The following MRRF variants were observed in gnomAD, a reference collection of about 807,000 sequenced individuals.
The protein encoded by MRRF is mitochondrial ribosome recycling factor, also known as ribosome-recycling factor, mitochondrial.
In MRRF, 18 loss-of-function variants were observed where a neutral mutation model predicts 25.1. That is an observed-to-expected ratio of 0.72 (90% CI 0.50 to 1.06). MRRF has a LOEUF of 1.06. Ranked by LOEUF, MRRF falls within the 50% of genes least tolerant of loss-of-function variation. The probability of loss-of-function intolerance (pLI) is 0.00; values close to 1 mark genes in which losing one functional copy is unlikely to be tolerated. For synonymous variants in MRRF, 113 were observed against 112.1 expected, an observed-to-expected ratio of 1.01 and a Z score of -0.05; for missense variants, 323 against 319.3, an observed-to-expected ratio of 1.01 and a Z score of -0.09.
At chr9:122,305,010 A>G (rs570656964) in intron 5 of MRRF, among the ~76,000 whole-genome samples, 1 of 151,934 alleles carries the variant, frequency 6.6e-6, no homozygotes, top group South Asian at 2.1e-4. Context: ...TGGCATGATC[A>G]TAGCTCACTG....
chr9:122,312,369 T>C (rs1751337119), intron 5 of MRRF, among the ~76,000 whole-genome samples: 1 of 152,196 alleles, frequency 6.6e-6, no homozygotes, highest in South Asian at 2.1e-4. Context: ...TCCAAAAGGA[T>C]TTACGTAAAT....
At chr9:122,280,318 A>G in intron 2 of MRRF, 125 bp from the exon 3 acceptor site, 1 of 1,030,974 alleles carries the variant, frequency 9.7e-7, no homozygotes, top group Middle Eastern at 2.4e-4. Context: ...TAGTGGAGCG[A>G]TAATGTTTTA....
chr9:122,297,857 G>T (rs1834192279), intron 5 of MRRF, among the ~76,000 whole-genome samples: 1 of 152,156 alleles, frequency 6.6e-6, no homozygotes. Flanking sequence ...CCCTCTGTTG[G>T]TACTTAGACC....
At chr9:122,288,993 G>A (rs146037155) in intron 4 of MRRF, among the ~76,000 whole-genome samples, 5 of 152,266 alleles carry the variant, frequency 3.3e-5, no homozygotes, top group Admixed American at 1.3e-4. Flanking sequence ...GTGAAGGGAT[G>A]ATGCATAAGA....
chr9:122,322,483 T>TC, intron 6 of MRRF, 57 bp from the exon 7 acceptor site: 7 of 1,464,714 alleles, frequency 4.8e-6, no homozygotes, highest in Admixed American at 3.4e-5. Flanking sequence ...GGAATATTCA[T>TC]CCCCCTACCC....
chr9:122,286,098 A>C (rs1029360201), intron 4 of MRRF: 2 of 1,270,950 alleles, frequency 1.6e-6, no homozygotes, highest in Non-Finnish European at 2.1e-6. Context: ...TCTACCACCA[A>C]CTGGCTGTTT....
rs973500370 is a variant in MRRF at position 122,280,557 on chromosome 9, A to C, written c.299A>C (p.Lys100Thr). The C allele has an allele frequency of 6.2e-7, 1 of 1,613,972 alleles. No homozygotes were observed. The highest frequency in any genetic ancestry group is 1.7e-5 in the Admixed American group (1 of 60,008). Residue 100 changes from lysine to threonine, a missense_variant, in exon 3 of 7, where the codon AAG (lysine) becomes ACG (threonine). Coordinates refer to ENST00000344641, the MANE Select transcript of MRRF (RefSeq NM_138777.5). ...ATGAAGTCTGTGATAGAAGCTCTCA[A>C]GGATAATTTCAATAAGACTCTCAAT... ...EEMKSVIEAL[K>T]DNFNKTLNIR... is the part of the protein sequence containing the mutation.
rs1349411376 is a variant in MRRF, at chr9:122,330,727, C to G, written c.*8110C>G. 1 of 152,114 alleles carries G rather than the reference C, an allele frequency of 6.6e-6. No homozygotes were observed. The highest frequency in any genetic ancestry group is 2.1e-4 in the South Asian group (1 of 4,824). The allele number at this position is 152,114 out of a possible 1,614,324, so 9.4% of individuals were successfully genotyped here. A position where few individuals can be genotyped will look rare whatever the true frequency, so the allele number is the denominator to read the frequency against. ...GGCGAGTCACTTGAGGTCAGGAGTT[C>G]GGGACCAGCCTGGCCAACGTGGTGA... On this transcript the variant is annotated 3_prime_UTR_variant, in exon 7 of 7. Coordinates refer to ENST00000344641, the MANE Select transcript of MRRF (RefSeq NM_138777.5). The surrounding 1 kb of genome is among the most constrained non-coding windows in gnomAD (Gnocchi z 4.2).
At chr9:122,296,574 T>C (rs1834097759) in intron 5 of MRRF, among the ~76,000 whole-genome samples, 2 of 152,178 alleles carry the variant, frequency 1.3e-5, no homozygotes, top group South Asian at 2.1e-4. Context: ...GGGTTAGAAT[T>C]GGGGTCTTTG....
chr9:122,303,112 C>T (rs1019013543), intron 5 of MRRF, among the ~76,000 whole-genome samples: 1 of 152,052 alleles, frequency 6.6e-6, no homozygotes, highest in Non-Finnish European at 1.5e-5. Flanking sequence ...AGATACATGG[C>T]TTTCATCTTT....
intron 5 of MRRF, among the ~76,000 whole-genome samples, chr9:122,295,595 G>A (rs1467497244): frequency 3.9e-5 from 6 of 151,924 alleles, no homozygotes; most frequent in African/African-American, 1.2e-4. Flanking sequence ...ACAGGCGCCC[G>A]CCACCACGTC....
chr9:122,307,048 A>G (rs896716113), intron 5 of MRRF, among the ~76,000 whole-genome samples: 1 of 152,208 alleles, frequency 6.6e-6, no homozygotes, highest in Non-Finnish European at 1.5e-5. Context: ...TAATGTACGT[A>G]AAACAGGCTA....
Position 122,327,701 on chromosome 9 carries a change from TA to T in MRRF, c.*5085del, listed in dbSNP as rs1207268666. The T allele has an allele frequency of 6.6e-6, 1 of 152,214 alleles. No homozygotes were observed. Among genetic ancestry groups the T allele is most frequent in the Non-Finnish European group, 1.5e-5 (1 of 68,038 alleles). The allele number at this position is 152,214 out of a possible 1,614,324, so 9.4% of individuals were successfully genotyped here. On this transcript the variant is annotated 3_prime_UTR_variant, in exon 7 of 7. Transcript: ENST00000344641. The stretch of plus-strand genomic sequence containing the variant: ...TTGTGAAAGTACTGCTGTGTTGTTT[TA>T]TACATAGCGCTCCAGACGCTTACAT...
At position 122,328,174 on chromosome 9, in the gene MRRF, A is replaced by G. The variant is rs765440950; in HGVS notation, c.*5557A>G. The G allele has an allele frequency of 5.9e-5, 9 of 152,240 alleles. No individual in the cohort carries two copies. Among genetic ancestry groups the G allele is most frequent in the African/African-American group, 9.6e-5 (4 of 41,536 alleles). The allele number at this position is 152,240 out of a possible 1,614,324, so 9.4% of individuals were successfully genotyped here. Reference sequence around the variant, plus strand: ...TATTTGTAGAGACAAGGTCTTGGCTATGTTGCCCAGGCTGATCTCAAACTC... The same window carrying G: ...TATTTGTAGAGACAAGGTCTTGGCTGTGTTGCCCAGGCTGATCTCAAACTC... On this transcript the variant is annotated 3_prime_UTR_variant, in exon 7 of 7. Transcript: ENST00000344641.
chr9:122,290,785 T>C (rs759125536), intron 4 of MRRF, among the ~76,000 whole-genome samples: 5 of 152,158 alleles, frequency 3.3e-5, no homozygotes, highest in Non-Finnish European at 7.4e-5. Flanking sequence ...GGTATAGTTA[T>C]AATGTTGCTT....
rs140642952 is a variant in MRRF, at chr9:122,288,023, C to T, written c.459+2736C>T. On this transcript the variant is annotated intron_variant, in intron 4 of 6. Coordinates refer to ENST00000344641, the MANE Select transcript of MRRF (RefSeq NM_138777.5). ...TTTCCAAACCTGAGCATTTCCGTGT[C>T]ATGCTGTAGTGACACGATGCAGATT... Among the ~76,000 whole-genome samples, 17 of 152,276 alleles carry T rather than the reference C, an allele frequency of 1.1e-4. No individual in the cohort carries two copies. In the East Asian group the frequency reaches 3.3e-3, roughly 29 times the overall value.
intron 5 of MRRF, among the ~76,000 whole-genome samples, chr9:122,306,759 A>T (rs1834874487): frequency 6.6e-6 from 1 of 152,170 alleles, no homozygotes; most frequent in Non-Finnish European, 1.5e-5. Context: ...GGCGACAGGG[A>T]AAGAGAAGAC....
chr9:122,270,309 C>G (rs1832371347), intron 1 of MRRF, among the ~76,000 whole-genome samples: 1 of 152,178 alleles, frequency 6.6e-6, no homozygotes, highest in African/African-American at 2.4e-5. Context: ...TAGTTCTATA[C>G]CATGGAAGAC....
chr9:122,318,061 C>T (rs752952356), intron 6 of MRRF, among the ~76,000 whole-genome samples: 11 of 152,058 alleles, frequency 7.2e-5, no homozygotes, highest in South Asian at 2.1e-4. Flanking sequence ...CGCTTGAACC[C>T]GGGAGGCAGA....
Sources: gnomAD v4.1 joint callset for allele counts (sites outside exome capture counted in the v4.1 genomes callset) on GRCh38, gnomAD v4.1.1 for gene constraint, Gnocchi (gnomAD v3.1) non-coding constraint, MANE v1.5 for transcripts, NCBI Gene and HGNC (gene_info 2026-07-23, HGNC 2026-07-21) for gene names.